ODAD2: variants seen among roughly 807,000 people sequenced by gnomAD.
ODAD2 encodes the protein outer dynein arm-docking complex subunit 2.
In ODAD2, 89 loss-of-function variants were observed where a neutral mutation model predicts 106.8. The observed-to-expected ratio is 0.83, with a 90% CI of 0.70 to 0.99. ODAD2 has a LOEUF of 0.99. ODAD2 is among the 50% of genes least tolerant of loss of function. ODAD2 has a pLI of 0.00. For synonymous variants in ODAD2, 404 were observed against 436.2 expected (o/e 0.93, Z 0.92); for missense variants, 1,168 against 1,238.5 (o/e 0.94, Z 0.85).
chr10:27,948,186 A>T (rs543357386), intron 10 of ODAD2, among the ~76,000 whole-genome samples: 1 of 152,326 alleles, frequency 6.6e-6, no homozygotes, highest in African/African-American at 2.4e-5. Flanking sequence ...TATAGAAAAA[A>T]ATTCTGTAAA....
intron 17 of ODAD2, among the ~76,000 whole-genome samples, chr10:27,875,601 T>C (rs888476526): frequency 5.3e-5 from 8 of 152,216 alleles, no homozygotes; most frequent in African/African-American, 1.9e-4. Context: ...AGCTCCAGTC[T>C]ACAGCTCCCA....
intron 17 of ODAD2, among the ~76,000 whole-genome samples, chr10:27,875,761 G>A (rs988498216): frequency 1.3e-5 from 2 of 152,194 alleles, no homozygotes; most frequent in African/African-American, 2.4e-5. Flanking sequence ...GCCTCACCCA[G>A]GAAGCACAAG....
intron 19 of ODAD2, among the ~76,000 whole-genome samples, chr10:27,837,522 G>A (rs905923236): frequency 1.5e-4 from 23 of 152,164 alleles, no homozygotes; most frequent in African/African-American, 5.3e-4. Flanking sequence ...TCAGTCATTA[G>A]TGTGTATATT....
In ODAD2 at chr10:27,931,034, G is replaced by A. The variant is rs949078642; in HGVS notation, c.2495+3976C>T. The stretch of plus-strand genomic sequence containing the variant: ...CTTTTCCCAAGGCTCTACTTCTGAT[G>A]CCTCATAATGCAAAACTGGGTCTCT... On this transcript the variant is annotated intron_variant, in intron 16 of 19. Transcript: ENST00000305242. 5.3e-5 allele frequency among the ~76,000 whole-genome samples: 8 copies of A among 152,200 alleles called. No individual in the cohort carries two copies. The East Asian group carries it at 1.5e-3, about 29-fold the overall frequency.
intron 9 of ODAD2, among the ~76,000 whole-genome samples, chr10:27,965,821 A>G (rs1283608160): frequency 6.6e-6 from 1 of 152,220 alleles, no homozygotes; most frequent in African/African-American, 2.4e-5. Context: ...ATTGTGCTGC[A>G]ATTATAAAAA....
intron 19 of ODAD2, among the ~76,000 whole-genome samples, chr10:27,814,923 C>T (rs1055734373): frequency 1.3e-5 from 2 of 152,248 alleles, no homozygotes; most frequent in Non-Finnish European, 2.9e-5. Flanking sequence ...TTCTCATTCA[C>T]TGCCCAGCAA....
At chr10:27,945,456 G>A (rs1447627615) in intron 10 of ODAD2, among the ~76,000 whole-genome samples, 2 of 152,196 alleles carry the variant, frequency 1.3e-5, no homozygotes, top group Non-Finnish European at 2.9e-5. Flanking sequence ...AGGGCCGTGG[G>A]ATTGGGAAAA....
rs750965893 is a variant in ODAD2 at position 27,907,792 on chromosome 10, A to C, written c.2496-15T>G. Reference sequence around the variant, plus strand: ...GATCAATTATCCTATCGTGGAACCCAAAATCATGATATAAACTGTCATTAG... The same window carrying C: ...GATCAATTATCCTATCGTGGAACCCCAAATCATGATATAAACTGTCATTAG... On this transcript the variant is annotated splice_polypyrimidine_tract_variant and intron_variant, in intron 16 of 19. Transcript: ENST00000305242. The C allele has an allele frequency of 7.2e-6, 11 of 1,529,698 alleles. No individual in the cohort carries two copies. The Admixed American group carries it at 1.8e-4, about 26-fold the overall frequency. 94.8% of individuals were successfully genotyped at this position (1,529,698 alleles called of 1,614,324 possible).
At position 27,983,869 on chromosome 10, in the gene ODAD2, T is replaced by G; in HGVS notation, c.793A>C (p.Ser265Arg). Residue 265 changes from serine (S) to arginine (R), a missense_variant, in exon 6 of 20, where the codon AGT becomes CGT. By Grantham distance (110) the Ser-to-Arg change is moderately radical (BLOSUM62 -1). Transcript: ENST00000305242. ...CCATTTAAAAATACTCCTCCTGCAC[T>G]GCAAGTAATGCACAGAGTCTCACCA... ...HDGETLCITC[S>R]AGGVFLNGGK... is the part of the protein sequence containing the mutation. 6.2e-7 allele frequency: 1 copy of G among 1,613,164 alleles called. No homozygotes were observed. Among genetic ancestry groups the G allele is most frequent in the Non-Finnish European group, 8.5e-7 (1 of 1,179,796 alleles).
In ODAD2 at chr10:27,860,767, C is replaced by A. The variant is rs139577934; in HGVS notation, c.2879G>T (p.Gly960Val). 1 of 1,614,150 alleles carries A rather than the reference C, an allele frequency of 6.2e-7. No individual in the cohort carries two copies. Among genetic ancestry groups the A allele is most frequent in the Non-Finnish European group, 8.5e-7 (1 of 1,180,016 alleles). ...CMWGRNRVAF[G>V]EHKAVAPLVR... ...TAGTGGAGCCACTGCTTTGTGCTCA[C>A]CGAAGGCCACTCTATTCCTGCCCCA... Residue 960 changes from glycine to valine, a missense_variant, in exon 19 of 20, where the codon GGT (glycine) becomes GTT (valine). By Grantham distance (109) the Gly-to-Val change is moderately radical. This residue lies in a region of ODAD2 where 701 missense variants were observed against 712.3 expected (regional missense o/e 0.98). Coordinates refer to ENST00000305242, the MANE Select transcript of ODAD2 (RefSeq NM_018076.5).
chr10:27,940,446 G>C, intron 13 of ODAD2, 117 bp downstream of exon 13: 1 of 1,249,020 alleles, frequency 8.0e-7, no homozygotes, highest in East Asian at 2.4e-5. Flanking sequence ...CTTTCTCATA[G>C]AATGCTGACT....
chr10:27,861,654 T>A (rs75758420), intron 18 of ODAD2, among the ~76,000 whole-genome samples: 48 of 152,276 alleles, frequency 3.2e-4, no homozygotes, highest in African/African-American at 1.2e-3. Flanking sequence ...CGAAGACACA[T>A]TTTGGGTCTT....
Position 27,955,696 on chromosome 10 carries a change from G to GGTGTGTGT in ODAD2, c.1386+5864_1386+5871dup, listed in dbSNP as rs56731384. On this transcript the variant is annotated intron_variant, in intron 10 of 19. Transcript: ENST00000305242. ...TCGAAAGAACTCTTTAACCAATTAA[G>GGTGTGTGT]GTGTGTGTGTGTGTGTGTGTGTGTG... Among the ~76,000 whole-genome samples the GGTGTGTGT allele has an allele frequency of 4.2e-3, 607 of 143,006 alleles. 1 individual carries two copies. The highest frequency in any genetic ancestry group is 5.3e-3 in the South Asian group (23 of 4,322). 93.8% of individuals were successfully genotyped at this position (143,006 alleles called of 152,430 possible).
chr10:27,959,865 A>C (rs957344650), intron 10 of ODAD2, among the ~76,000 whole-genome samples: 1 of 152,138 alleles, frequency 6.6e-6, no homozygotes, highest in Non-Finnish European at 1.5e-5. Context: ...CTGTAAAAAA[A>C]CTTATGTAAT....
At chr10:27,977,510 C>T (rs1475158001) in intron 7 of ODAD2, among the ~76,000 whole-genome samples, 11 of 151,612 alleles carry the variant, frequency 7.3e-5, no homozygotes, top group Admixed American at 3.3e-4. Context: ...GAGCTTGCAA[C>T]GAGCCAAGAT....
intron 17 of ODAD2, among the ~76,000 whole-genome samples, chr10:27,892,506 AT>A (rs1842627459): frequency 6.6e-6 from 1 of 152,162 alleles, no homozygotes; most frequent in African/African-American, 2.4e-5. Context: ...TGGACCGATA[AT>A]TTTTAAGCTG....
At chr10:27,871,176 T>A (rs2133434160) in intron 17 of ODAD2, among the ~76,000 whole-genome samples, 1 of 152,346 alleles carries the variant, frequency 6.6e-6, no homozygotes, top group South Asian at 2.1e-4. Context: ...TCTGTTCATA[T>A]CCTTTGTTCA....
chr10:27,965,091 G>C (rs769581668), intron 9 of ODAD2, among the ~76,000 whole-genome samples: 1 of 152,128 alleles, frequency 6.6e-6, no homozygotes, highest in Non-Finnish European at 1.5e-5. Context: ...TCCTCTTGGG[G>C]TTTCAGGTTT....
At chr10:27,843,311 T>C in intron 19 of ODAD2, among the ~76,000 whole-genome samples, 1 of 152,234 alleles carries the variant, frequency 6.6e-6, no homozygotes, top group East Asian at 1.9e-4. Context: ...GAATCAATAG[T>C]AATGTACAAA....
Sources: allele counts gnomAD v4.1 joint callset (sites outside exome capture counted in the v4.1 genomes callset), GRCh38; gene constraint gnomAD v4.1.1; regional missense constraint gnomAD v4.1.1; transcripts MANE v1.5; gene names NCBI Gene and HGNC (gene_info 2026-07-23, HGNC 2026-07-21).